Variants in LRRC49 observed in about 807,000 individuals in gnomAD.
LRRC49 encodes leucine rich repeat containing 49, also known as leucine-rich repeat-containing protein 49.
LRRC49 carries 50 observed loss-of-function variants against 83.3 expected under a neutral mutation model. That is an observed-to-expected ratio of 0.60 (90% confidence interval 0.48 to 0.76). The LOEUF (loss-of-function observed/expected upper bound fraction) is 0.76, where lower values mean the gene tolerates loss of function less well. LRRC49 is among the 30% of genes least tolerant of loss of function. The pLI, the probability that LRRC49 is intolerant of heterozygous loss-of-function variation, is 0.00. For missense variants in LRRC49, 704 were observed against 809.1 expected, an observed-to-expected ratio of 0.87 and a Z score of 1.58; for synonymous variants, 286 against 283.3, an observed-to-expected ratio of 1.01 and a Z score of -0.10.
chr15:71,047,760 T>A (rs1373778100), intron 15 of LRRC49, among the ~76,000 whole-genome samples: 1 of 152,118 alleles, frequency 6.6e-6, no homozygotes, highest in East Asian at 1.9e-4. Context: ...TTTTAGGATT[T>A]CATTTGTTTG....
upstream of LRRC49, chr15:70,892,006 C>T (rs376022908): frequency 2.5e-6 from 4 of 1,612,840 alleles, no homozygotes; most frequent in African/African-American, 2.7e-5. Flanking sequence ...GCACCCGGTG[C>T]AGGGTGGGCA....
intron 7 of LRRC49, among the ~76,000 whole-genome samples, chr15:70,928,875 A>G (rs1432476240): frequency 6.6e-6 from 1 of 152,172 alleles, no homozygotes; most frequent in Non-Finnish European, 1.5e-5. Context: ...CATATCTTTC[A>G]TTTATTATGG....
chr15:70,947,869 A>G (rs575293881), intron 8 of LRRC49, among the ~76,000 whole-genome samples: 10 of 152,322 alleles, frequency 6.6e-5, no homozygotes, highest in Non-Finnish European at 8.8e-5. Flanking sequence ...TGAATGCTCA[A>G]TCCTGGGACA....
chr15:70,882,343 T>A, intron 2 of LRRC49: 1 of 1,008,124 alleles, frequency 9.9e-7, no homozygotes, highest in South Asian at 1.7e-5. Flanking sequence ...ATTATGCTGA[T>A]ACTCAACTGT....
intron 12 of LRRC49, 99 bp downstream of exon 12, chr15:71,008,715 A>G (rs1476550259): frequency 2.6e-6 from 2 of 776,058 alleles, no homozygotes; most frequent in African/African-American, 3.5e-5. Flanking sequence ...TGTAGTTTCT[A>G]TCTGGCAGGA....
At chr15:70,892,138 G>A (rs200920697), upstream of LRRC49, 120 of 1,613,460 alleles carry the variant, frequency 7.4e-5, no homozygotes, top group Non-Finnish European at 8.4e-5. Context: ...CATTGCCTCC[G>A]TACCAGTCGG....
At chr15:70,958,284 G>A (rs1016096552) in intron 8 of LRRC49, among the ~76,000 whole-genome samples, 2 of 151,872 alleles carry the variant, frequency 1.3e-5, no homozygotes, top group Non-Finnish European at 2.9e-5. Flanking sequence ...TTATTAATTT[G>A]TGATTTTTCT....
chr15:71,036,187 T>C (rs1158546178), intron 14 of LRRC49, among the ~76,000 whole-genome samples: 1 of 152,054 alleles, frequency 6.6e-6, no homozygotes, highest in African/African-American at 2.4e-5. Context: ...TTTGATGGGG[T>C]TGTTTGTTTT....
chr15:71,028,512 A>T (rs1173003939), intron 14 of LRRC49, among the ~76,000 whole-genome samples: 3 of 152,192 alleles, frequency 2.0e-5, no homozygotes, highest in Non-Finnish European at 4.4e-5. Context: ...ATAGTTTCAG[A>T]AGGAATGCTA....
intron 9 of LRRC49, among the ~76,000 whole-genome samples, chr15:70,973,093 G>T (rs183427442): frequency 1.4e-4 from 22 of 152,104 alleles, no homozygotes; most frequent in African/African-American, 2.4e-5. Context: ...CAACCTTTTT[G>T]TGCTGGTTTT....
At chr15:70,890,440 A>G (rs898504384), upstream of LRRC49, among the ~76,000 whole-genome samples, 1 of 152,220 alleles carries the variant, frequency 6.6e-6, no homozygotes, top group Non-Finnish European at 1.5e-5. Flanking sequence ...ATCATTCCAT[A>G]AATATTTATT....
At chr15:70,971,100 C>T (rs930036155) in intron 9 of LRRC49, among the ~76,000 whole-genome samples, 4 of 152,016 alleles carry the variant, frequency 2.6e-5, no homozygotes, top group African/African-American at 9.7e-5. Flanking sequence ...AGATCTTTCC[C>T]ACTTTCTTCT....
chr15:70,895,827 T>G (rs776312537), intron 2 of LRRC49, 22 bp from the exon 3 acceptor site: 2 of 1,494,520 alleles, frequency 1.3e-6, no homozygotes, highest in Non-Finnish European at 1.8e-6. Context: ...CAAATATTTT[T>G]TTCTTTAATA....
intron 2 of LRRC49, among the ~76,000 whole-genome samples, chr15:70,873,972 G>T (rs908887126): frequency 1.3e-5 from 2 of 152,128 alleles, no homozygotes; most frequent in Admixed American, 6.5e-5. Context: ...CTGTAGAAAG[G>T]GATTGAGATG....
At chr15:70,957,139 A>G (rs2036431337) in intron 8 of LRRC49, among the ~76,000 whole-genome samples, 1 of 152,220 alleles carries the variant, frequency 6.6e-6, no homozygotes, top group African/African-American at 2.4e-5. Flanking sequence ...TCTTAGACCA[A>G]TTCCATTGGC....
intron 6 of LRRC49, among the ~76,000 whole-genome samples, chr15:70,916,745 G>T (rs1349498245): frequency 1.3e-5 from 2 of 152,142 alleles, no homozygotes; most frequent in Admixed American, 6.5e-5. Flanking sequence ...TCCGAGTTGG[G>T]GCGGGAGCTC....
At chr15:70,862,781 C>T (rs1191224995) in intron 1 of LRRC49, among the ~76,000 whole-genome samples, 1 of 152,090 alleles carries the variant, frequency 6.6e-6, no homozygotes, top group Admixed American at 6.5e-5. Flanking sequence ...GAGACTCAGG[C>T]TAGTGGTTCA....
rs1250609713 is a variant in LRRC49, at chr15:71,008,380, C to A, written c.1171C>A (p.Pro391Thr). ...TLSAFPEETG[P>T]LDSGLNNALQ... ...AAAATTATACTTTGGGTTTTCCAGGCCTCTAGACTCAGGACTCAACAATGC... is the reference window on the plus strand; with the variant it reads ...AAAATTATACTTTGGGTTTTCCAGGACTCTAGACTCAGGACTCAACAATGC... Residue 391 changes from proline to threonine, a missense_variant and splice_region_variant, in exon 12 of 16, where the codon CCT becomes ACT. This residue lies in a region of LRRC49 where 168 missense variants were observed against 140.6 expected (regional missense o/e 1.20). Coordinates refer to ENST00000260382, the MANE Select transcript of LRRC49 (RefSeq NM_017691.5). The A allele has an allele frequency of 8.7e-6, 14 of 1,601,444 alleles. No homozygotes were observed. The highest frequency in any genetic ancestry group is 1.3e-5 in the African/African-American group (1 of 74,620).
At chr15:70,992,012 A>G (rs2037899456) in intron 11 of LRRC49, among the ~76,000 whole-genome samples, 1 of 152,248 alleles carries the variant, frequency 6.6e-6, no homozygotes, top group Non-Finnish European at 1.5e-5. Context: ...CTTGGGATCC[A>G]CATGTAGACC....
Sources: allele counts gnomAD v4.1 joint callset (sites outside exome capture counted in the v4.1 genomes callset), GRCh38; gene constraint gnomAD v4.1.1; regional missense constraint gnomAD v4.1.1; transcripts MANE v1.5; gene names NCBI Gene and HGNC (gene_info 2026-07-23, HGNC 2026-07-21).